CLVS1: variants seen among roughly 807,000 people sequenced by gnomAD.
The protein encoded by CLVS1 is clavesin-1.
Under a neutral mutation model 33.1 loss-of-function variants are expected in CLVS1, and 10 were observed. That is an observed-to-expected ratio of 0.30 (90% confidence interval 0.19 to 0.51). The LOEUF (loss-of-function observed/expected upper bound fraction) is 0.51, where lower values mean the gene tolerates loss of function less well. Among genes scored for constraint, CLVS1 ranks in the 20% least tolerant of loss-of-function variants. CLVS1 has a pLI of 0.97. For missense variants in CLVS1, 343 were observed against 433.4 expected (o/e 0.79, Z 1.85); for synonymous variants, 163 against 166.1 (o/e 0.98, Z 0.14).
chr8:61,161,435 T>G (rs1806747945), intron 2 of CLVS1, among the ~76,000 whole-genome samples: 1 of 152,196 alleles, frequency 6.6e-6, no homozygotes, highest in Non-Finnish European at 1.5e-5. Flanking sequence ...AATGGATGAA[T>G]GTATGAGGCA....
At chr8:61,150,773 G>T (rs2129294816) in intron 2 of CLVS1, among the ~76,000 whole-genome samples, 2 of 152,292 alleles carry the variant, frequency 1.3e-5, no homozygotes, top group Middle Eastern at 6.8e-3. Flanking sequence ...GCTCGAACTG[G>T]CCCAGTGTGA....
rs576510101 is a variant in CLVS1 at position 61,234,332 on chromosome 8, G to T, written c.-151-65345G>T. 3.9e-5 allele frequency among the ~76,000 whole-genome samples: 6 copies of T among 152,286 alleles called. No homozygotes were observed. In the East Asian group the frequency reaches 1.2e-3, roughly 29 times the overall value. On this transcript the variant is annotated intron_variant, in intron 2 of 2. Transcript: ENST00000522621. ...TCACTTGTTCTGCTGTGTCAGCATGGCACAGGAGGCTGTATCCCCTTGATA... is the reference window on the plus strand; with the variant it reads ...TCACTTGTTCTGCTGTGTCAGCATGTCACAGGAGGCTGTATCCCCTTGATA...
At chr8:61,320,685 T>C (rs1481888355) in intron 2 of CLVS1, among the ~76,000 whole-genome samples, 1 of 152,228 alleles carries the variant, frequency 6.6e-6, no homozygotes, top group East Asian at 1.9e-4. Flanking sequence ...AACTGTGTCC[T>C]CACATGGTAG....
At chr8:61,470,998 T>C (rs761169164) in intron 5 of CLVS1, among the ~76,000 whole-genome samples, 2 of 152,194 alleles carry the variant, frequency 1.3e-5, no homozygotes, top group Non-Finnish European at 2.9e-5. Flanking sequence ...ACTGTGGCTG[T>C]TCATGATAGG....
At chr8:61,116,214 T>C (rs1244771005) in intron 1 of CLVS1, among the ~76,000 whole-genome samples, 1 of 152,052 alleles carries the variant, frequency 6.6e-6, no homozygotes, top group African/African-American at 2.4e-5. Flanking sequence ...CACTTTTTGA[T>C]GGGGTTGTTT....
chr8:61,338,755 G>A (rs1456072314), intron 2 of CLVS1, among the ~76,000 whole-genome samples: 3 of 152,234 alleles, frequency 2.0e-5, no homozygotes, highest in Admixed American at 6.5e-5. Flanking sequence ...CAAACACGCC[G>A]AGGGACCCCC....
At chr8:61,247,670 G>C (rs777749151) in intron 2 of CLVS1, among the ~76,000 whole-genome samples, 1 of 152,130 alleles carries the variant, frequency 6.6e-6, no homozygotes, top group Non-Finnish European at 1.5e-5. Flanking sequence ...ATTTGTTTAA[G>C]TTCCTTATAG....
intron 1 of CLVS1, among the ~76,000 whole-genome samples, chr8:61,068,222 T>G (rs1804719416): frequency 9.4e-6 from 1 of 106,172 alleles, no homozygotes. Context: ...TATATATGTA[T>G]GTATGTGTAT....
chr8:61,044,845 G>T, the CLVS1 span, among the ~76,000 whole-genome samples: 1 of 152,170 alleles, frequency 6.6e-6, no homozygotes, highest in Non-Finnish European at 1.5e-5. Context: ...ATTTTTAAGG[G>T]GCATAGAAAA....
intron 1 of CLVS1, among the ~76,000 whole-genome samples, chr8:61,108,074 C>A (rs1805568714): frequency 6.6e-6 from 1 of 151,954 alleles, no homozygotes; most frequent in East Asian, 1.9e-4. Flanking sequence ...TCGAGACCAG[C>A]CTGGCCAACA....
At chr8:61,373,325 A>T (rs1396126944) in intron 2 of CLVS1, among the ~76,000 whole-genome samples, 3 of 152,208 alleles carry the variant, frequency 2.0e-5, no homozygotes, top group African/African-American at 7.2e-5. Context: ...TTCTCTGGAA[A>T]AGTAAAGCAT....
intron 1 of CLVS1, among the ~76,000 whole-genome samples, chr8:61,297,065 A>G (rs1810239693): frequency 6.6e-6 from 1 of 152,154 alleles, no homozygotes; most frequent in Admixed American, 6.5e-5. Flanking sequence ...AGACAGAGAG[A>G]GTGCAGCTTT....
intron 1 of CLVS1, among the ~76,000 whole-genome samples, chr8:61,074,360 G>GTTA (rs1554532033): frequency 1.1e-5 from 1 of 92,356 alleles, no homozygotes; most frequent in Non-Finnish European, 1.7e-5. Flanking sequence ...GTGTGTGTGT[G>GTTA]TATATATATA....
At chr8:61,293,490 A>G (rs772703945) in intron 1 of CLVS1, among the ~76,000 whole-genome samples, 42 of 152,310 alleles carry the variant, frequency 2.8e-4, no homozygotes, top group Non-Finnish European at 1.6e-4. Flanking sequence ...AATATAGGCT[A>G]AATAGGCTGT....
intron 2 of CLVS1, among the ~76,000 whole-genome samples, chr8:61,305,175 A>G (rs577735772): frequency 6.6e-6 from 1 of 152,180 alleles, no homozygotes; most frequent in Non-Finnish European, 1.5e-5. Flanking sequence ...GCAAATACCT[A>G]GGATACTGGG....
chr8:61,195,860 A>G (rs1415016701), intron 2 of CLVS1, among the ~76,000 whole-genome samples: 3 of 152,104 alleles, frequency 2.0e-5, no homozygotes, highest in African/African-American at 7.2e-5. Context: ...TAAAAGTAGG[A>G]AGTCAGTAAT....
At chr8:61,428,180 C>G (rs1815965415) in intron 3 of CLVS1, among the ~76,000 whole-genome samples, 1 of 152,220 alleles carries the variant, frequency 6.6e-6, no homozygotes, top group African/African-American at 2.4e-5. Flanking sequence ...TAAGTCACAA[C>G]TGAGTCCACC....
chr8:61,280,992 C>T (rs185007003), intron 2 of CLVS1, among the ~76,000 whole-genome samples: 1 of 152,324 alleles, frequency 6.6e-6, no homozygotes, highest in East Asian at 1.9e-4. Flanking sequence ...GGCATTACAT[C>T]TCATTTGAGA....
chr8:61,285,475 G>A (rs779809013), upstream of CLVS1, among the ~76,000 whole-genome samples: 1 of 152,172 alleles, frequency 6.6e-6, no homozygotes, highest in Non-Finnish European at 1.5e-5. Flanking sequence ...CATGGAAGCT[G>A]CCTACATATT....
Sources: allele counts gnomAD v4.1 joint callset (sites outside exome capture counted in the v4.1 genomes callset), GRCh38; gene constraint gnomAD v4.1.1; transcripts MANE v1.5; gene names NCBI Gene and HGNC (gene_info 2026-07-23, HGNC 2026-07-21).